Variants in IMMP2L observed in about 807,000 individuals in gnomAD.
The protein encoded by IMMP2L is inner mitochondrial membrane peptidase subunit 2.
In IMMP2L, 18 loss-of-function variants were observed where a neutral mutation model predicts 19.3. The ratio of observed to expected loss-of-function variants is 0.93; its 90% CI spans 0.64 to 1.38. The LOEUF (loss-of-function observed/expected upper bound fraction) is 1.38, where lower values mean the gene tolerates loss of function less well. Among genes scored for constraint, IMMP2L ranks in the 40% most tolerant of loss-of-function variants. The probability of loss-of-function intolerance (pLI) is 0.00; values close to 1 mark genes in which losing one functional copy is unlikely to be tolerated. For missense variants in IMMP2L, 233 were observed against 218.2 expected (o/e 1.07, Z -0.43); for synonymous variants, 76 against 73.0 (o/e 1.04, Z -0.21).
intron 3 of IMMP2L, among the ~76,000 whole-genome samples, chr7:111,473,415 A>T (rs1053352495): frequency 6.6e-6 from 1 of 152,208 alleles, no homozygotes; most frequent in Non-Finnish European, 1.5e-5. Flanking sequence ...GATGTCACTA[A>T]GACCTGAGCT....
intron 3 of IMMP2L, among the ~76,000 whole-genome samples, chr7:111,175,087 C>A (rs1806893746): frequency 6.6e-6 from 1 of 151,784 alleles, no homozygotes; most frequent in Non-Finnish European, 1.5e-5. Context: ...TCAGAAAAAA[C>A]TGCTGTTTTC....
At chr7:110,762,054 C>T (rs922367722) in intron 5 of IMMP2L, among the ~76,000 whole-genome samples, 2 of 152,114 alleles carry the variant, frequency 1.3e-5, no homozygotes, top group Admixed American at 1.3e-4. Flanking sequence ...AGCCATCATC[C>T]CTTCCTTTCC....
intron 3 of IMMP2L, among the ~76,000 whole-genome samples, chr7:111,474,044 T>C (rs1034476974): frequency 2.0e-5 from 3 of 152,068 alleles, no homozygotes; most frequent in South Asian, 2.1e-4. Context: ...ATGGAGGCCA[T>C]TATCCTAAGA....
intron 3 of IMMP2L, among the ~76,000 whole-genome samples, chr7:111,206,227 A>G (rs1478627240): frequency 6.6e-6 from 1 of 152,168 alleles, no homozygotes; most frequent in Non-Finnish European, 1.5e-5. Flanking sequence ...TTAGAACACT[A>G]GATAGTGCTT....
chr7:111,121,211 T>C (rs2129588198), intron 3 of IMMP2L, among the ~76,000 whole-genome samples: 1 of 152,220 alleles, frequency 6.6e-6, no homozygotes. Flanking sequence ...TTGTTTGTTT[T>C]TTTCTTGTAA....
intron 4 of IMMP2L, among the ~76,000 whole-genome samples, chr7:110,927,101 G>A (rs1814940204): frequency 6.6e-6 from 1 of 151,944 alleles, no homozygotes; most frequent in African/African-American, 2.4e-5. Flanking sequence ...ATTTCTGCCT[G>A]TTGATTTCCT....
intron 5 of IMMP2L, among the ~76,000 whole-genome samples, chr7:110,746,788 C>G (rs1453826594): frequency 6.6e-6 from 1 of 152,072 alleles, no homozygotes; most frequent in Non-Finnish European, 1.5e-5. Flanking sequence ...TAAATGCCTA[C>G]AAGAGAAAGC....
intron 5 of IMMP2L, among the ~76,000 whole-genome samples, chr7:110,865,828 T>C (rs1262185991): frequency 2.6e-5 from 4 of 151,942 alleles, no homozygotes; most frequent in African/African-American, 4.8e-5. Context: ...GTAAGAACCC[T>C]ACCTTTATTC....
intron 5 of IMMP2L, among the ~76,000 whole-genome samples, chr7:110,810,616 T>A (rs1290990547): frequency 6.6e-6 from 1 of 151,992 alleles, no homozygotes; most frequent in Non-Finnish European, 1.5e-5. Context: ...AGCAGTAGGA[T>A]ATAAATAACT....
chr7:110,813,569 A>G (rs1183286751), intron 5 of IMMP2L, among the ~76,000 whole-genome samples: 1 of 151,906 alleles, frequency 6.6e-6, no homozygotes, highest in Non-Finnish European at 1.5e-5. Flanking sequence ...CTGGGACTAC[A>G]GACGCATGCC....
At chr7:111,155,273 G>C (rs987570686) in intron 3 of IMMP2L, among the ~76,000 whole-genome samples, 2 of 152,052 alleles carry the variant, frequency 1.3e-5, no homozygotes, top group African/African-American at 4.8e-5. Flanking sequence ...GGCTGGTAAT[G>C]CAAGCCTTGA....
rs189112455 is a variant in IMMP2L, at chr7:110,838,853, G to A, written c.408+47740C>T. On this transcript the variant is annotated intron_variant, in intron 5 of 5. Coordinates refer to ENST00000405709, the MANE Select transcript of IMMP2L (RefSeq NM_032549.4). ...TGGAACAGTTAATTTATTTGAGTCA[G>A]GAAAAATATATCATAAGGATGATCT... Among the ~76,000 whole-genome samples the A allele has an allele frequency of 7.8e-4, 118 of 152,072 alleles. 2 individuals are homozygous for A. The South Asian group carries it at 0.011, about 15-fold the overall frequency.
intron 3 of IMMP2L, among the ~76,000 whole-genome samples, chr7:111,065,049 G>A (rs537582224): frequency 5.3e-5 from 8 of 152,274 alleles, no homozygotes; most frequent in East Asian, 1.9e-4. Context: ...AAGGGAATAC[G>A]GAATGGGTAG....
At chr7:110,967,433 T>G (rs1038300416) in intron 3 of IMMP2L, among the ~76,000 whole-genome samples, 27 of 152,006 alleles carry the variant, frequency 1.8e-4, no homozygotes, top group Admixed American at 1.7e-3. Context: ...ATAAATAACT[T>G]AACCCTAGGT....
At chr7:111,022,023 G>C (rs955107132) in intron 3 of IMMP2L, among the ~76,000 whole-genome samples, 3 of 152,162 alleles carry the variant, frequency 2.0e-5, no homozygotes, top group Non-Finnish European at 4.4e-5. Context: ...TTTAACATGA[G>C]ATTTGTGTGG....
intron 3 of IMMP2L, among the ~76,000 whole-genome samples, chr7:111,281,212 AAGAAAAAGAAAGAAAG>A (rs1330696374): frequency 3.8e-5 from 2 of 53,066 alleles, no homozygotes; most frequent in South Asian, 9.0e-4. Flanking sequence ...GAAAGAAAGA[AAGAAAAAGAAAGAAAG>A]AAAGAAAGAA....
At chr7:111,339,549 G>T (rs1261130236) in intron 3 of IMMP2L, among the ~76,000 whole-genome samples, 2 of 151,918 alleles carry the variant, frequency 1.3e-5, no homozygotes, top group Non-Finnish European at 2.9e-5. Flanking sequence ...ACACAGTGAA[G>T]TAAAGAGTTT....
intron 5 of IMMP2L, among the ~76,000 whole-genome samples, chr7:110,829,253 T>C (rs1055252164): frequency 6.6e-6 from 1 of 152,152 alleles, no homozygotes; most frequent in African/African-American, 2.4e-5. Context: ...GATGGAAGAC[T>C]AAAACAGACA....
intron 3 of IMMP2L, among the ~76,000 whole-genome samples, chr7:111,378,659 G>T (rs1449468839): frequency 2.6e-5 from 4 of 151,810 alleles, no homozygotes; most frequent in Non-Finnish European, 4.4e-5. Context: ...CTAAACAGTT[G>T]AACTGAAGAG....
Sources: allele counts gnomAD v4.1 joint callset (sites outside exome capture counted in the v4.1 genomes callset), GRCh38; gene constraint gnomAD v4.1.1; transcripts MANE v1.5; gene names NCBI Gene and HGNC (gene_info 2026-07-23, HGNC 2026-07-21).